UBXN4: variants seen among roughly 807,000 people sequenced by gnomAD.
UBXN4 encodes UBX domain-containing protein 4.
Under a neutral mutation model 66.2 loss-of-function variants are expected in UBXN4, and 35 were observed. The ratio of observed to expected loss-of-function variants is 0.53; its 90% CI spans 0.40 to 0.70. The LOEUF is 0.70. Ranked by LOEUF, UBXN4 falls within the 30% of genes least tolerant of loss-of-function variation. The pLI is 0.00. For missense variants in UBXN4, 533 were observed against 599.8 expected (o/e 0.89, Z 1.16); for synonymous variants, 203 against 204.5 (o/e 0.99, Z 0.06).
chr2:135,775,618 G>T (rs2105507784), intron 9 of UBXN4, among the ~76,000 whole-genome samples: 1 of 152,316 alleles, frequency 6.6e-6, no homozygotes, highest in Admixed American at 6.5e-5. Context: ...GTGGTTGCCA[G>T]GGTCTGGAGG....
chr2:135,761,333 C>A (rs1280714248), intron 5 of UBXN4, among the ~76,000 whole-genome samples: 1 of 152,226 alleles, frequency 6.6e-6, no homozygotes, highest in Non-Finnish European at 1.5e-5. Flanking sequence ...AGTCCAGAGC[C>A]ATACCCAGGA....
Position 135,772,411 on chromosome 2 carries a change from G to C in UBXN4, c.823-9G>C. 6.2e-7 allele frequency: 1 copy of C among 1,613,054 alleles called. No homozygotes were observed. The highest frequency in any genetic ancestry group is 1.7e-4 in the Middle Eastern group (1 of 6,058). On this transcript the variant is annotated splice_polypyrimidine_tract_variant and intron_variant, in intron 8 of 12. Coordinates refer to ENST00000272638, the MANE Select transcript of UBXN4 (RefSeq NM_014607.4). ...GTAAAGGTAATTGGTATTTAATGAT[G>C]TTTTAAAGGACCGTGCAGAGAGAGC...
At chr2:135,774,908 T>C (rs1031173159) in intron 9 of UBXN4, among the ~76,000 whole-genome samples, 33 of 151,538 alleles carry the variant, frequency 2.2e-4, no homozygotes, top group African/African-American at 7.8e-4. Flanking sequence ...AAATCATATA[T>C]TTGATGAGAG....
At position 135,782,734 on chromosome 2, in the gene UBXN4, T is replaced by A. The variant is rs774713356; in HGVS notation, c.1389-15T>A. On this transcript the variant is annotated splice_polypyrimidine_tract_variant and intron_variant, in intron 12 of 12. Coordinates refer to ENST00000272638, the MANE Select transcript of UBXN4 (RefSeq NM_014607.4). ...TTTATGACATCTTCCCCTTGCTCCC[T>A]CTTTTTCGTATCAGGGAACCAGTGA... 6.2e-7 allele frequency: 1 copy of A among 1,609,960 alleles called. No individual in the cohort carries two copies. Among genetic ancestry groups the A allele is most frequent in the Non-Finnish European group, 8.5e-7 (1 of 1,178,800 alleles).
intron 1 of UBXN4, among the ~76,000 whole-genome samples, chr2:135,746,515 CAA>C (rs901695760): frequency 2.6e-5 from 4 of 152,186 alleles, no homozygotes; most frequent in African/African-American, 7.2e-5. Flanking sequence ...GGGAATGTCT[CAA>C]GAGTGTAATT....
intron 6 of UBXN4, among the ~76,000 whole-genome samples, chr2:135,762,252 A>G (rs935822893): frequency 1.3e-5 from 2 of 152,226 alleles, no homozygotes; most frequent in African/African-American, 4.8e-5. Context: ...AGCTTATTTC[A>G]TGACTATGTA....
At position 135,783,054 on chromosome 2, in the gene UBXN4, A is replaced by G. The variant is rs2077459872; in HGVS notation, c.*167A>G. 1.5e-6 allele frequency: 1 copy of G among 663,044 alleles called. No homozygotes were observed. The highest frequency in any genetic ancestry group is 2.6e-5 in the South Asian group (1 of 38,450). 41.1% of individuals were successfully genotyped at this position (663,044 alleles called of 1,614,324 possible). A position where few individuals can be genotyped will look rare whatever the true frequency, so the allele number is the denominator to read the frequency against. On this transcript the variant is annotated 3_prime_UTR_variant, in exon 13 of 13. Transcript: ENST00000272638. ...TTGAAGGTGTTTAACTCAGAAAAGT[A>G]AAGACAGGAAATAACTCTCTGCTAG...
rs1033300114 is a variant in UBXN4, at chr2:135,782,978, T to C, written c.*91T>C. On this transcript the variant is annotated 3_prime_UTR_variant, in exon 13 of 13. Coordinates refer to ENST00000272638, the MANE Select transcript of UBXN4 (RefSeq NM_014607.4). ...CTGGAGAAGTGGGACTGCTTTATAT[T>C]TTCCAACTGGTCTATAAAATGTCTC... 1 of 1,377,844 alleles carries C rather than the reference T, an allele frequency of 7.3e-7. No homozygotes were observed. 85.4% of individuals were successfully genotyped at this position (1,377,844 alleles called of 1,614,324 possible).
chr2:135,777,215 C>T (rs1466895996), intron 10 of UBXN4, among the ~76,000 whole-genome samples: 3 of 152,080 alleles, frequency 2.0e-5, no homozygotes, highest in African/African-American at 4.8e-5. Context: ...TTTTTATTCC[C>T]TGATTGATTC....
At chr2:135,778,174 CAA>C (rs570595581) in intron 10 of UBXN4, among the ~76,000 whole-genome samples, 8 of 72,390 alleles carry the variant, frequency 1.1e-4, no homozygotes, top group Non-Finnish European at 2.1e-4. Flanking sequence ...AAGACTGTCT[CAA>C]AAAAAAAAAA....
At chr2:135,765,278 C>T (rs1227653201) in intron 6 of UBXN4, among the ~76,000 whole-genome samples, 2 of 151,576 alleles carry the variant, frequency 1.3e-5, no homozygotes, top group Admixed American at 6.6e-5. Flanking sequence ...GGCACAATCT[C>T]GGCTCACTGC....
chr2:135,761,226 GTC>G (rs2077313650), intron 5 of UBXN4, among the ~76,000 whole-genome samples: 1 of 152,166 alleles, frequency 6.6e-6, no homozygotes, highest in Non-Finnish European at 1.5e-5. Flanking sequence ...TAGGACAAAA[GTC>G]TATCTTTCAG....
At chr2:135,781,072 T>A (rs954596769) in intron 12 of UBXN4, among the ~76,000 whole-genome samples, 1 of 152,090 alleles carries the variant, frequency 6.6e-6, no homozygotes, top group African/African-American at 2.4e-5. Flanking sequence ...AAAAACAATT[T>A]AAAAATTTGC....
Position 135,772,491 on chromosome 2 carries a change from G to A in UBXN4, c.894G>A (p.Leu298=). The A allele has an allele frequency of 6.2e-7, 1 of 1,614,126 alleles. No homozygotes were observed. The highest frequency in any genetic ancestry group is 8.5e-7 in the Non-Finnish European group (1 of 1,179,972). Residue 298 remains leucine, a synonymous_variant, in exon 9 of 13, where the codon TTG becomes TTA. Transcript: ENST00000272638. ...TAGAGGCTGCCAAAGCTGCTGCCTT[G>A]CTAGCAAAACAGGCAGAAATGGAAG... is the stretch of plus-strand genomic sequence containing the variant. ...EEVEAAKAAA[L]LAKQAEMEVK...
intron 5 of UBXN4, 150 bp downstream of exon 5, chr2:135,755,841 TC>T: frequency 2.3e-6 from 1 of 430,650 alleles, no homozygotes; most frequent in Non-Finnish European, 3.3e-6. Flanking sequence ...TACACATGTG[TC>T]ATTTAGTGGC....
rs1312551726 is a variant in UBXN4 at position 135,781,204 on chromosome 2, G to GT, written c.1388+820dup. Among the ~76,000 whole-genome samples, 6 of 152,340 alleles carry GT rather than the reference G, an allele frequency of 3.9e-5. No individual in the cohort carries two copies. The East Asian group carries it at 9.6e-4, about 24-fold the overall frequency. ...ATTGCACTCCAGCCTGGGTGACAGA[G>GT]TAAGAGTGAGATCCTGTCTCAAAAC... On this transcript the variant is annotated intron_variant, in intron 12 of 12. Coordinates refer to ENST00000272638, the MANE Select transcript of UBXN4 (RefSeq NM_014607.4).
intron 6 of UBXN4, among the ~76,000 whole-genome samples, chr2:135,765,222 T>C (rs568407740): frequency 2.8e-4 from 42 of 151,966 alleles, no homozygotes; most frequent in South Asian, 1.7e-3. Context: ...TTTTTTTTTT[T>C]CCCTGAGATG....
chr2:135,774,615 C>T (rs1288256729), intron 9 of UBXN4, among the ~76,000 whole-genome samples: 1 of 152,126 alleles, frequency 6.6e-6, no homozygotes, highest in Non-Finnish European at 1.5e-5. Flanking sequence ...AAGACTGAGG[C>T]AGGCGGATCA....
Position 135,747,329 on chromosome 2 carries a change from CAA to C in UBXN4, c.83-937_83-936del, listed in dbSNP as rs1290588125. Among the ~76,000 whole-genome samples the C allele has an allele frequency of 4.9e-5, 5 of 102,990 alleles. No homozygotes were observed. The East Asian group carries it at 9.0e-4, about 19-fold the overall frequency. The allele number at this position is 102,990 out of a possible 152,430, so 67.6% of individuals were successfully genotyped here. A position where few individuals can be genotyped will look rare whatever the true frequency, so the allele number is the denominator to read the frequency against. ...CACCATTGCACTACAACCTGAGCGA[CAA>C]GAGTGAAACTCCATCTCAAAAAAAA... On this transcript the variant is annotated intron_variant, in intron 1 of 12. Transcript: ENST00000272638.
Sources: gnomAD v4.1 joint callset for allele counts (sites outside exome capture counted in the v4.1 genomes callset) on GRCh38, gnomAD v4.1.1 for gene constraint, MANE v1.5 for transcripts, NCBI Gene and HGNC (gene_info 2026-07-23, HGNC 2026-07-21) for gene names.